The following PEX7 variants were observed in gnomAD, a reference collection of about 807,000 sequenced individuals.
PEX7 encodes PTS2 receptor.
Under a neutral mutation model 47.5 loss-of-function variants are expected in PEX7, and 34 were observed. That is an observed-to-expected ratio of 0.72 (90% CI 0.54 to 0.95). The LOEUF is 0.95. Among genes scored for constraint, PEX7 ranks in the 40% least tolerant of loss-of-function variants. PEX7 has a pLI of 0.00. For synonymous variants in PEX7, 141 were observed against 148.8 expected (o/e 0.95, Z 0.38); for missense variants, 394 against 400.3 (o/e 0.98, Z 0.13).
At chr6:136,912,206 A>G (rs1775944786) in intron 9 of PEX7, among the ~76,000 whole-genome samples, 1 of 152,128 alleles carries the variant, frequency 6.6e-6, no homozygotes, top group African/African-American at 2.4e-5. Context: ...TTTTCTTAAC[A>G]GTGTCTTTTG....
At chr6:136,856,895 C>A (rs1284737736) in intron 5 of PEX7, among the ~76,000 whole-genome samples, 2 of 151,840 alleles carry the variant, frequency 1.3e-5, no homozygotes, top group Non-Finnish European at 2.9e-5. Flanking sequence ...CAAAAACTTT[C>A]CTTGTGAAAT....
At chr6:136,884,985 T>A (rs1165534563) in intron 8 of PEX7, among the ~76,000 whole-genome samples, 1 of 152,226 alleles carries the variant, frequency 6.6e-6, no homozygotes, top group Non-Finnish European at 1.5e-5. Flanking sequence ...TACTGTCCCT[T>A]AAGTTAGTTA....
intron 8 of PEX7, among the ~76,000 whole-genome samples, chr6:136,874,321 G>A (rs1229707710): frequency 3.9e-5 from 6 of 152,044 alleles, no homozygotes; most frequent in South Asian, 2.1e-4. Context: ...TATCTCTAAC[G>A]GGATCAAGTT....
chr6:136,892,914 A>G (rs1775581481), intron 8 of PEX7, among the ~76,000 whole-genome samples: 1 of 152,038 alleles, frequency 6.6e-6, no homozygotes. Flanking sequence ...AGCTGCTATT[A>G]CCTCTTTTTG....
chr6:136,911,187 TTTTG>T (rs1187997783), intron 9 of PEX7, among the ~76,000 whole-genome samples: 2 of 151,830 alleles, frequency 1.3e-5, no homozygotes, highest in African/African-American at 4.8e-5. Context: ...TGTTCTGACT[TTTTG>T]TTTGTTTGTT....
At chr6:136,894,526 G>A (rs1775611919) in intron 8 of PEX7, among the ~76,000 whole-genome samples, 1 of 152,132 alleles carries the variant, frequency 6.6e-6, no homozygotes, top group Admixed American at 6.5e-5. Flanking sequence ...GGAGGCAGAG[G>A]TTGCAGTGAG....
intron 8 of PEX7, among the ~76,000 whole-genome samples, chr6:136,889,991 C>G (rs928848164): frequency 7.2e-5 from 11 of 152,214 alleles, no homozygotes; most frequent in Non-Finnish European, 1.3e-4. Flanking sequence ...AGCCTATTTA[C>G]TTAGACCAAC....
At position 136,844,383 on chromosome 6, in the gene PEX7, A is replaced by G. The variant is rs1774557680; in HGVS notation, c.340-1232A>G. On this transcript the variant is annotated intron_variant, in intron 3 of 9. Coordinates refer to ENST00000318471, the MANE Select transcript of PEX7 (RefSeq NM_000288.4). Reference sequence around the variant, plus strand: ...AAGACCCTGTTTTGGAAAAAAAAAAAGAAAAATCTAAGTTGTACAGCTTAG... The same window carrying G: ...AAGACCCTGTTTTGGAAAAAAAAAAGGAAAAATCTAAGTTGTACAGCTTAG... Among the ~76,000 whole-genome samples the G allele has an allele frequency of 2.0e-5, 3 of 150,062 alleles. No individual in the cohort carries two copies. In the South Asian group the frequency reaches 6.4e-4, roughly 32 times the overall value.
Position 136,900,702 on chromosome 6 carries a change from C to T in PEX7, c.903+2461C>T. ...TGATGGGATCCACGTCATGTGCAGTCACCGCCAGCTGAGCCTTCTTCTTCT... is the reference window on the plus strand; with the variant it reads ...TGATGGGATCCACGTCATGTGCAGTTACCGCCAGCTGAGCCTTCTTCTTCT... On this transcript the variant is annotated intron_variant, in intron 9 of 9. Coordinates refer to ENST00000318471, the MANE Select transcript of PEX7 (RefSeq NM_000288.4). This position sits in a 1 kb window ranked among gnomAD's most constrained non-coding sequence, Gnocchi z 4.2. 2.9e-6 allele frequency: 1 copy of T among 344,896 alleles called. No individual in the cohort carries two copies. The highest frequency in any genetic ancestry group is 2.4e-5 in the South Asian group (1 of 42,492). 21.4% of individuals were successfully genotyped at this position (344,896 alleles called of 1,614,324 possible).
intron 3 of PEX7, chr6:136,830,330 C>A: frequency 3.3e-6 from 1 of 307,124 alleles, no homozygotes; most frequent in Non-Finnish European, 5.9e-6. Context: ...CAGTTACCCA[C>A]TTTACCACTT....
intron 9 of PEX7, among the ~76,000 whole-genome samples, chr6:136,906,920 G>A (rs1298902374): frequency 6.6e-6 from 1 of 152,154 alleles, no homozygotes; most frequent in Non-Finnish European, 1.5e-5. Context: ...CTTCAGTGTA[G>A]AGTCTGAACT....
intron 1 of PEX7, among the ~76,000 whole-genome samples, chr6:136,824,086 A>C (rs1416137752): frequency 6.6e-6 from 1 of 152,182 alleles, no homozygotes; most frequent in African/African-American, 2.4e-5. Context: ...AACTCAGAGA[A>C]ATACTTGATT....
chr6:136,898,232 C>T lies in PEX7; in HGVS notation c.894C>T (p.Ser298=). Residue 298 remains serine, a synonymous_variant, in exon 9 of 10, where the codon AGC becomes AGT. Transcript: ENST00000318471. ...FTCGLDFSLQ[S]PTQVADCSWD... ...GTGGTTTAGACTTCAGTCTTCAGAG[C>T]CCCACTCAGGTAACGGATACAATCT... The T allele has an allele frequency of 6.3e-7, 1 of 1,581,850 alleles. No homozygotes were observed. The highest frequency in any genetic ancestry group is 8.7e-7 in the Non-Finnish European group (1 of 1,150,696).
At chr6:136,844,174 G>T (rs377744740) in intron 3 of PEX7, among the ~76,000 whole-genome samples, 1 of 152,152 alleles carries the variant, frequency 6.6e-6, no homozygotes, top group African/African-American at 2.4e-5. Context: ...AGACCAGCCT[G>T]GGGAACATGG....
At chr6:136,872,457 A>G (rs1315049830) in intron 8 of PEX7, among the ~76,000 whole-genome samples, 7 of 152,100 alleles carry the variant, frequency 4.6e-5, no homozygotes, top group Admixed American at 2.0e-4. Context: ...TTCTCTTCAA[A>G]TATTAGCCTG....
In PEX7 at chr6:136,872,183, T is replaced by TC; in HGVS notation, c.748-15_748-14insC. 4.6e-6 allele frequency: 4 copies of TC among 864,342 alleles called. No individual in the cohort carries two copies. The highest frequency in any genetic ancestry group is 4.9e-6 in the Non-Finnish European group (3 of 611,220). 53.5% of individuals were successfully genotyped at this position (864,342 alleles called of 1,614,324 possible). A position where few individuals can be genotyped will look rare whatever the true frequency, so the allele number is the denominator to read the frequency against. ...GACTTCAAAAAGGGTTTTTTTTTTCTTTTTTTTTTTGTAGTTTTCACCATT... is the reference window on the plus strand; with the variant it reads ...GACTTCAAAAAGGGTTTTTTTTTTCTCTTTTTTTTTTGTAGTTTTCACCATT... On this transcript the variant is annotated splice_polypyrimidine_tract_variant and intron_variant, in intron 7 of 9. Transcript: ENST00000318471.
chr6:136,832,907 C>G (rs1228346056), intron 3 of PEX7, among the ~76,000 whole-genome samples: 1 of 152,190 alleles, frequency 6.6e-6, no homozygotes, highest in African/African-American at 2.4e-5. Flanking sequence ...TTGTTCAGAA[C>G]CATTTAAGAA....
At chr6:136,836,348 A>G (rs1005790300) in intron 3 of PEX7, among the ~76,000 whole-genome samples, 7 of 152,022 alleles carry the variant, frequency 4.6e-5, no homozygotes, top group African/African-American at 1.4e-4. Context: ...ACTAATAAAA[A>G]TGGTTACCTT....
chr6:136,869,212 A>C (rs540095090), intron 6 of PEX7, among the ~76,000 whole-genome samples: 3 of 151,718 alleles, frequency 2.0e-5, no homozygotes, highest in Non-Finnish European at 4.4e-5. Flanking sequence ...GGAGTGAACC[A>C]CCGCACCCAG....
Sources: gnomAD v4.1 joint callset for allele counts (sites outside exome capture counted in the v4.1 genomes callset) on GRCh38, gnomAD v4.1.1 for gene constraint, Gnocchi (gnomAD v3.1) non-coding constraint, MANE v1.5 for transcripts, NCBI Gene and HGNC (gene_info 2026-07-23, HGNC 2026-07-21) for gene names.